TNNI3K: variants seen among roughly 807,000 people sequenced by gnomAD.
TNNI3K encodes serine/threonine-protein kinase TNNI3K.
Under a neutral mutation model 114.5 loss-of-function variants are expected in TNNI3K, and 140 were observed. The ratio of observed to expected loss-of-function variants is 1.22; its 90% CI spans 1.07 to 1.41. The LOEUF (loss-of-function observed/expected upper bound fraction) is 1.41, where lower values mean the gene tolerates loss of function less well. Ranked by LOEUF, TNNI3K falls within the 40% of genes most tolerant of loss-of-function variation. The pLI is 0.00. For missense variants in TNNI3K, 1,125 were observed against 1,007.6 expected (o/e 1.12, Z -1.58); for synonymous variants, 347 against 347.5 (o/e 1.00, Z 0.02).
intron 2 of TNNI3K, among the ~76,000 whole-genome samples, chr1:74,248,527 A>G (rs931969157): frequency 6.6e-6 from 1 of 152,256 alleles, no homozygotes; most frequent in African/African-American, 2.4e-5. Flanking sequence ...ATATGCAATC[A>G]AAAAATGATT....
At chr1:74,335,267 A>G (rs908890586) in intron 6 of TNNI3K, among the ~76,000 whole-genome samples, 2 of 152,202 alleles carry the variant, frequency 1.3e-5, no homozygotes, top group Non-Finnish European at 2.9e-5. Flanking sequence ...CAGAGCTGAT[A>G]TAAATCAGAT....
intron 5 of TNNI3K, among the ~76,000 whole-genome samples, chr1:74,313,742 G>C (rs1659126893): frequency 6.6e-6 from 1 of 151,970 alleles, no homozygotes; most frequent in Non-Finnish European, 1.5e-5. Context: ...CTGGTGAAAA[G>C]CTATTCTCTG....
In TNNI3K at chr1:74,436,546, T is replaced by C. The variant is rs777915247; in HGVS notation, c.1878+20T>C. ...CCTGGGGTTTGCTGCTGCTTGTGTT[T>C]CCTATAATTATAAACCAATTAAAAT... is the stretch of plus-strand genomic sequence containing the variant. On this transcript the variant is annotated intron_variant, in intron 19 of 24. Transcript: ENST00000326637. 6.3e-7 allele frequency: 1 copy of C among 1,581,696 alleles called. No individual in the cohort carries two copies.
At chr1:74,530,723 G>GTT (rs34494942) in intron 23 of TNNI3K, among the ~76,000 whole-genome samples, 9 of 142,180 alleles carry the variant, frequency 6.3e-5, no homozygotes, top group Admixed American at 1.4e-4. Flanking sequence ...AACTCAAAAA[G>GTT]TTTTTTTTTT....
chr1:74,501,607 C>A (rs2100343159), intron 23 of TNNI3K, among the ~76,000 whole-genome samples: 1 of 152,272 alleles, frequency 6.6e-6, no homozygotes, highest in South Asian at 2.1e-4. Context: ...CTGCCTCAGC[C>A]TCCCGAGTAG....
intron 5 of TNNI3K, among the ~76,000 whole-genome samples, chr1:74,307,337 T>C (rs564476500): frequency 1.3e-5 from 2 of 152,274 alleles, no homozygotes; most frequent in East Asian, 1.9e-4. Context: ...AGTTGCAAAT[T>C]GGATAAAAAT....
At chr1:74,450,579 G>A (rs1666945738) in intron 20 of TNNI3K, among the ~76,000 whole-genome samples, 1 of 152,020 alleles carries the variant, frequency 6.6e-6, no homozygotes, top group African/African-American at 2.4e-5. Flanking sequence ...ATTAAAAAGT[G>A]GGCAAAGGAC....
chr1:74,287,641 A>G (rs539047427), intron 5 of TNNI3K, among the ~76,000 whole-genome samples: 1 of 152,272 alleles, frequency 6.6e-6, no homozygotes, highest in African/African-American at 2.4e-5. Flanking sequence ...AGAAGAAAAC[A>G]TAGAGAAAAG....
chr1:74,322,457 C>G (rs1016134045), intron 5 of TNNI3K, among the ~76,000 whole-genome samples: 1 of 148,380 alleles, frequency 6.7e-6, no homozygotes, highest in African/African-American at 2.5e-5. Flanking sequence ...CTGACTAATT[C>G]TACCTTTTTT....
Position 74,480,765 on chromosome 1 carries a change from G to A in TNNI3K, c.2122-8424G>A, listed in dbSNP as rs533709048. The stretch of plus-strand genomic sequence containing the variant: ...AGCTTGCTGAAGGTGTGATCAGTGA[G>A]CGAAGAGCTGGATATTTGGTTGTGC... On this transcript the variant is annotated intron_variant, in intron 21 of 24. Transcript: ENST00000326637. 4.2e-6 allele frequency: 3 copies of A among 717,526 alleles called. No homozygotes were observed. In the African/African-American group the frequency reaches 5.2e-5, roughly 13 times the overall value. 44.4% of individuals were successfully genotyped at this position (717,526 alleles called of 1,614,324 possible). A position where few individuals can be genotyped will look rare whatever the true frequency, so the allele number is the denominator to read the frequency against.
At chr1:74,381,010 T>C (rs1663174698) in intron 17 of TNNI3K, among the ~76,000 whole-genome samples, 1 of 152,186 alleles carries the variant, frequency 6.6e-6, no homozygotes, top group Non-Finnish European at 1.5e-5. Flanking sequence ...CTAGCTATAC[T>C]TTGAATTTGG....
At chr1:74,478,297 CTT>C (rs1348756187) in intron 21 of TNNI3K, among the ~76,000 whole-genome samples, 2 of 152,146 alleles carry the variant, frequency 1.3e-5, no homozygotes, top group African/African-American at 4.8e-5. Flanking sequence ...CACACCAAAA[CTT>C]AACATATATG....
intron 4 of TNNI3K, among the ~76,000 whole-genome samples, chr1:74,254,046 A>AT (rs1256396321): frequency 1.3e-5 from 2 of 152,222 alleles, no homozygotes; most frequent in Non-Finnish European, 2.9e-5. Flanking sequence ...CCCATATAGT[A>AT]TTAATAACTG....
intron 5 of TNNI3K, among the ~76,000 whole-genome samples, chr1:74,322,217 TGTG>T (rs1348858468): frequency 1.3e-5 from 2 of 152,174 alleles, no homozygotes; most frequent in African/African-American, 4.8e-5. Flanking sequence ...GGAAACAGTT[TGTG>T]GTGTTGAATA....
intron 23 of TNNI3K, among the ~76,000 whole-genome samples, chr1:74,499,949 T>C (rs558225473): frequency 1.8e-4 from 28 of 152,214 alleles, no homozygotes; most frequent in African/African-American, 6.7e-4. Flanking sequence ...TTCTGTCTAG[T>C]ATTTTTTCTC....
At chr1:74,540,134 C>A (rs1646708743) in intron 23 of TNNI3K, 100 bp from the exon 24 acceptor site, 11 of 1,266,040 alleles carry the variant, frequency 8.7e-6, no homozygotes, top group Non-Finnish European at 1.2e-5. Context: ...ATCACTTTGC[C>A]ATTTCTCTGG....
intron 4 of TNNI3K, among the ~76,000 whole-genome samples, chr1:74,262,682 A>G (rs1213925510): frequency 6.6e-6 from 1 of 152,120 alleles, no homozygotes; most frequent in Non-Finnish European, 1.5e-5. Context: ...AATTACAGCA[A>G]TCATTAAGAT....
chr1:74,539,215 G>A (rs1646696747), intron 23 of TNNI3K, among the ~76,000 whole-genome samples: 2 of 152,146 alleles, frequency 1.3e-5, no homozygotes, highest in Admixed American at 6.6e-5. Flanking sequence ...TGAGAAATGT[G>A]AGGGAAAGAA....
chr1:74,253,616 G>C (rs949396815), intron 4 of TNNI3K, among the ~76,000 whole-genome samples: 1 of 152,118 alleles, frequency 6.6e-6, no homozygotes, highest in Non-Finnish European at 1.5e-5. Flanking sequence ...GGAGCCGGCA[G>C]GACTGGCCGG....
Sources: gnomAD v4.1 joint callset for allele counts (sites outside exome capture counted in the v4.1 genomes callset) on GRCh38, gnomAD v4.1.1 for gene constraint, MANE v1.5 for transcripts, NCBI Gene and HGNC (gene_info 2026-07-23, HGNC 2026-07-21) for gene names.